SPTB: variants seen among roughly 807,000 people sequenced by gnomAD.
SPTB encodes the protein spectrin beta, erythrocytic.
Under a neutral mutation model 256.2 loss-of-function variants are expected in SPTB, and 45 were observed. The ratio of observed to expected loss-of-function variants is 0.18; its 90% confidence interval spans 0.14 to 0.23. The LOEUF (loss-of-function observed/expected upper bound fraction) is 0.23, where lower values mean the gene tolerates loss of function less well. SPTB is among the 10% of genes least tolerant of loss of function. SPTB has a pLI of 1.00. For missense variants in SPTB, 2,715 were observed against 3,040.4 expected (o/e 0.89, Z 2.52); for synonymous variants, 1,231 against 1,243.1 (o/e 0.99, Z 0.21).
chr14:64,863,736 AATTCACCATAACC>A (rs1346452414), intron 1 of SPTB, among the ~76,000 whole-genome samples: 2 of 152,336 alleles, frequency 1.3e-5, no homozygotes, highest in South Asian at 4.1e-4. Context: ...GCTTGGTTTC[AATTCACCATAACC>A]ATTCTCCCTA....
In SPTB at chr14:64,791,804, C is replaced by T; in HGVS notation, c.2719G>A (p.Val907Met). ...ACCAAGCTGTTGGCAGCGAGGTTCA[C>T]ACCATCAATCTGAGTCATCAAGGTC... is the stretch of plus-strand genomic sequence containing the variant. ...MKTLMTQIDG[V>M]NLAANSLVES... Residue 907 changes from valine to methionine, a missense_variant, in exon 15 of 36, where the codon GTG becomes ATG. This residue lies in a region of SPTB where 2,239 missense variants were observed against 2,384.4 expected (regional missense o/e 0.94). Coordinates refer to ENST00000644917, the MANE Select transcript of SPTB (RefSeq NM_001355436.2). 6.2e-7 allele frequency: 1 copy of T among 1,614,198 alleles called. No homozygotes were observed.
intron 1 of SPTB, among the ~76,000 whole-genome samples, chr14:64,874,826 A>G (rs1026180819): frequency 2.6e-5 from 4 of 152,224 alleles, no homozygotes; most frequent in Admixed American, 6.5e-5. Flanking sequence ...ACAATGGTGG[A>G]AACTCCTAAA....
chr14:64,788,854 T>C (rs930540853), intron 15 of SPTB, among the ~76,000 whole-genome samples: 3 of 152,222 alleles, frequency 2.0e-5, no homozygotes, highest in Admixed American at 6.5e-5. Context: ...GAGTCTAGGT[T>C]TGGTCCTGGG....
Position 64,779,830 on chromosome 14 carries a change from G to A in SPTB, c.4368C>T (p.Ile1456=), listed in dbSNP as rs1204164201. The change falls in exon 21 of 36, where the codon ATC becomes ATT. Residue 1456 remains isoleucine, a synonymous_variant. Transcript: ENST00000644917. This position sits in a 1 kb window ranked among gnomAD's most constrained non-coding sequence, Gnocchi z 4.2. ...CCAGGAGGTCCAGGAACCGCTTCTC[G>A]ATGCTCAAGTCTGCATCTCCTCCCT... ...GEEGGDADLS[I]EKRFLDLLEP... 6 of 1,613,928 alleles carry A rather than the reference G, an allele frequency of 3.7e-6. No individual in the cohort carries two copies. The highest frequency in any genetic ancestry group is 4.5e-5 in the East Asian group (2 of 44,888).
At position 64,785,830 on chromosome 14, in the gene SPTB, A is replaced by G. The variant is rs2082555655; in HGVS notation, c.3683T>C (p.Val1228Ala). ...ENNRDKVLSP[V>A]DSGNKLVAEG... is the part of the protein sequence containing the mutation. ...AGCTACCAGCTTGTTTCCAGAGTCC[A>G]CAGGACTCAAGACCTTATCCCGGTT... The change falls in exon 17 of 36, where the codon GTG (valine) becomes GCG (alanine). Residue 1228 changes from valine to alanine, a missense_variant. Coordinates refer to ENST00000644917, the MANE Select transcript of SPTB (RefSeq NM_001355436.2). The surrounding 1 kb of genome is among the most constrained non-coding windows in gnomAD (Gnocchi z 4.4). The G allele has an allele frequency of 6.2e-7, 1 of 1,614,006 alleles. No homozygotes were observed. Among genetic ancestry groups the G allele is most frequent in the East Asian group, 2.2e-5 (1 of 44,862 alleles).
intron 2 of SPTB, among the ~76,000 whole-genome samples, chr14:64,808,502 A>T (rs2139653468): frequency 6.6e-6 from 1 of 152,320 alleles, no homozygotes; most frequent in South Asian, 2.1e-4. Context: ...TACACCCATG[A>T]CACTAAAACC....
At position 64,796,000 on chromosome 14, in the gene SPTB, G is replaced by A. The variant is rs1350697411; in HGVS notation, c.1342-361C>T. On this transcript the variant is annotated intron_variant, in intron 11 of 35. Transcript: ENST00000644917. The surrounding 1 kb of genome is among the most constrained non-coding windows in gnomAD (Gnocchi z 6.5). The stretch of plus-strand genomic sequence containing the variant: ...GGCTGCTTCTCACTCGGAAACCCAT[G>A]CACCAGCAAACAGATGGTTTATTCA... Among the ~76,000 whole-genome samples the A allele has an allele frequency of 6.6e-6, 1 of 152,220 alleles. No homozygotes were observed. Among genetic ancestry groups the A allele is most frequent in the African/African-American group, 2.4e-5 (1 of 41,456 alleles).
At position 64,749,692 on chromosome 14, in the gene SPTB, T is replaced by C. The variant is rs760543079; in HGVS notation, c.6781A>G (p.Ser2261Gly). 1.9e-6 allele frequency: 3 copies of C among 1,613,650 alleles called. No individual in the cohort carries two copies. The South Asian group carries it at 3.3e-5, about 18-fold the overall frequency. The change falls in exon 35 of 36, where the codon AGT (serine) becomes GGT (glycine). Residue 2261 changes from serine to glycine, a missense_variant. Transcript: ENST00000644917. The surrounding 1 kb of genome is among the most constrained non-coding windows in gnomAD (Gnocchi z 4.7). ...TGGAAGAGCCACTCGCTGCCATTAC[T>C]CAGCCTAGGAGGACAAAGGGTTTCC... ...KKKHVFKLRL[S>G]NGSEWLFHGK...
rs745950193 is a variant in SPTB at position 64,779,266 on chromosome 14, GGAGA to G, written c.4474-24_4474-21del. 1 of 1,603,690 alleles carries G rather than the reference GGAGA, an allele frequency of 6.2e-7. No individual in the cohort carries two copies. The highest frequency in any genetic ancestry group is 1.1e-5 in the South Asian group (1 of 90,246). On this transcript the variant is annotated intron_variant, in intron 21 of 35. Coordinates refer to ENST00000644917, the MANE Select transcript of SPTB (RefSeq NM_001355436.2). This position sits in a 1 kb window ranked among gnomAD's most constrained non-coding sequence, Gnocchi z 4.2. ...CCAAAGCTGCAGAGACCAGGAGGCA[GGAGA>G]GAGCTGATGACAATCACGGCCAACC...
intron 13 of SPTB, among the ~76,000 whole-genome samples, chr14:64,794,115 A>T (rs1287381597): frequency 6.6e-6 from 1 of 152,236 alleles, no homozygotes; most frequent in Non-Finnish European, 1.5e-5. Context: ...TGTACAACAT[A>T]AAATTATTTT....
At chr14:64,859,209 G>A (rs535593278) in intron 1 of SPTB, among the ~76,000 whole-genome samples, 2 of 152,090 alleles carry the variant, frequency 1.3e-5, no homozygotes, top group African/African-American at 2.4e-5. Context: ...AGCCAAGATC[G>A]CACCACTACA....
intron 14 of SPTB, 22 bp from the exon 15 acceptor site, chr14:64,791,878 A>G: frequency 6.2e-7 from 1 of 1,614,064 alleles, no homozygotes; most frequent in South Asian, 1.1e-5. Context: ...AAAGGAAAAT[A>G]TGAGGATGGG....
At position 64,747,966 on chromosome 14, in the gene SPTB, C is replaced by T. The variant is rs2081874240; in HGVS notation, c.*1340G>A. 6.6e-6 allele frequency: 1 copy of T among 152,180 alleles called. No homozygotes were observed. The highest frequency in any genetic ancestry group is 1.5e-5 in the Non-Finnish European group (1 of 68,080). 9.4% of individuals were successfully genotyped at this position (152,180 alleles called of 1,614,324 possible). A position where few individuals can be genotyped will look rare whatever the true frequency, so the allele number is the denominator to read the frequency against. ...CTGAGCAGCAAGGGGAAGGCCATTC[C>T]TGGGGACGTTGGTTGCAGAGCTTCT... On this transcript the variant is annotated 3_prime_UTR_variant, in exon 36 of 36. Transcript: ENST00000644917.
At chr14:64,789,626 T>C (rs2082636730) in intron 15 of SPTB, among the ~76,000 whole-genome samples, 1 of 152,130 alleles carries the variant, frequency 6.6e-6, no homozygotes, top group Non-Finnish European at 1.5e-5. Flanking sequence ...AGGAAAATAA[T>C]ACTCTAAACA....
At chr14:64,766,621 C>G in intron 32 of SPTB, 105 bp downstream of exon 32, 1 of 1,610,224 alleles carries the variant, frequency 6.2e-7, no homozygotes, top group Non-Finnish European at 8.5e-7. Flanking sequence ...GAGGGCGGGG[C>G]TGCGCCAGCT....
rs138279396 is a variant in SPTB at position 64,775,185 on chromosome 14, G to C, written c.4782C>G (p.Asp1594Glu). The C allele has an allele frequency of 6.2e-7, 1 of 1,613,944 alleles. No individual in the cohort carries two copies. Among genetic ancestry groups the C allele is most frequent in the South Asian group, 1.1e-5 (1 of 91,084 alleles). Residue 1594 changes from aspartate to glutamate, a missense_variant, in exon 23 of 36, where the codon GAC becomes GAG. Transcript: ENST00000644917. This position sits in a 1 kb window ranked among gnomAD's most constrained non-coding sequence, Gnocchi z 5.0. ...NEAQQYYLDA[D>E]EAEAWIGEQE... Reference sequence around the variant, plus strand: ...GCTCGCCAATCCAGGCCTCAGCCTCGTCTGCATCCAGGTAGTACTGCTGTG... The same window carrying C: ...GCTCGCCAATCCAGGCCTCAGCCTCCTCTGCATCCAGGTAGTACTGCTGTG...
Position 64,769,099 on chromosome 14 carries a change from T to G in SPTB, c.5957A>C (p.Gln1986Pro). 1 of 1,613,880 alleles carries G rather than the reference T, an allele frequency of 6.2e-7. No homozygotes were observed. Among genetic ancestry groups the G allele is most frequent in the Non-Finnish European group, 8.5e-7 (1 of 1,180,006 alleles). ...ASEEIREKLQ[Q>P]VMSRRKEMNE... Reference sequence around the variant, plus strand: ...CATCTCTTTCCTCCTGGACATCACCTGCTGCAGTTTCTCGCGGATCTATGG... The same window carrying G: ...CATCTCTTTCCTCCTGGACATCACCGGCTGCAGTTTCTCGCGGATCTATGG... The change falls in exon 29 of 36, where the codon CAG becomes CCG. Residue 1986 changes from glutamine (Q) to proline (P), a missense_variant. By Grantham distance (76) the Gln-to-Pro change is moderately conservative. This residue lies in a region of SPTB where 2,239 missense variants were observed against 2,384.4 expected (regional missense o/e 0.94). Transcript: ENST00000644917.
intron 32 of SPTB, among the ~76,000 whole-genome samples, chr14:64,761,568 A>C (rs1383399329): frequency 2.0e-5 from 3 of 152,182 alleles, no homozygotes; most frequent in Non-Finnish European, 4.4e-5. Flanking sequence ...CCTGGCCAAG[A>C]TGACAGGTAG....
At chr14:64,859,308 C>T (rs1226713034) in intron 1 of SPTB, among the ~76,000 whole-genome samples, 1 of 152,008 alleles carries the variant, frequency 6.6e-6, no homozygotes, top group Non-Finnish European at 1.5e-5. Flanking sequence ...ATGGTTCTTC[C>T]CTATCATGAA....
Sources: allele counts gnomAD v4.1 joint callset (sites outside exome capture counted in the v4.1 genomes callset), GRCh38; gene constraint gnomAD v4.1.1; regional missense constraint gnomAD v4.1.1; non-coding constraint Gnocchi (gnomAD v3.1); transcripts MANE v1.5; gene names NCBI Gene and HGNC (gene_info 2026-07-23, HGNC 2026-07-21).